The following QKI variants were observed in gnomAD, a reference collection of about 807,000 sequenced individuals.
The protein encoded by QKI is KH domain-containing RNA-binding protein QKI.
Under a neutral mutation model 39.0 loss-of-function variants are expected in QKI, and 10 were observed. The observed-to-expected ratio is 0.26, with a 90% CI of 0.16 to 0.43. The LOEUF (loss-of-function observed/expected upper bound fraction) is 0.43, where lower values mean the gene tolerates loss of function less well. Among genes scored for constraint, QKI ranks in the 20% least tolerant of loss-of-function variants. The pLI, the probability that QKI is intolerant of heterozygous loss-of-function variation, is 1.00. For missense variants in QKI, 218 were observed against 428.0 expected (o/e 0.51, Z 4.33); for synonymous variants, 204 against 155.4 (o/e 1.31, Z -2.33).
At position 163,539,180 on chromosome 6, in the gene QKI, G is replaced by A. The variant is rs546704349; in HGVS notation, c.546+4055G>A. Reference sequence around the variant, plus strand: ...AGGATCCAGCAAGGGAGAGCAAAGCGGGGAGCCCCTGGATTTGGAGGAGAG... The same window carrying A: ...AGGATCCAGCAAGGGAGAGCAAAGCAGGGAGCCCCTGGATTTGGAGGAGAG... On this transcript the variant is annotated intron_variant, in intron 4 of 7. Coordinates refer to ENST00000361752, the MANE Select transcript of QKI (RefSeq NM_006775.3). 1.5e-4 allele frequency among the ~76,000 whole-genome samples: 23 copies of A among 152,274 alleles called. 1 individual carries two copies. In the East Asian group the frequency reaches 3.7e-3, roughly 24 times the overall value.
At position 163,414,886 on chromosome 6, in the gene QKI, C is replaced by G. The variant is rs1787290422; in HGVS notation, c.-308C>G. 6.8e-6 allele frequency: 1 copy of G among 146,040 alleles called. No individual in the cohort carries two copies. The highest frequency in any genetic ancestry group is 1.5e-5 in the Non-Finnish European group (1 of 65,972). 9.0% of individuals were successfully genotyped at this position (146,040 alleles called of 1,614,324 possible). On this transcript the variant is annotated 5_prime_UTR_variant, in exon 1 of 8. Transcript: ENST00000361752. ...GGCGCCAGCAGCCCGCGCCCCGCGCCCGCACTCGGCCAGCCGAGACCCGCC... is the reference window on the plus strand; with the variant it reads ...GGCGCCAGCAGCCCGCGCCCCGCGCGCGCACTCGGCCAGCCGAGACCCGCC...
chr6:163,444,469 T>C (rs13191301), intron 1 of QKI, among the ~76,000 whole-genome samples: 1 of 152,222 alleles, frequency 6.6e-6, no homozygotes, highest in Non-Finnish European at 1.5e-5. Flanking sequence ...GGTCATTGTT[T>C]TGGATTGTAA....
intron 2 of QKI, among the ~76,000 whole-genome samples, chr6:163,469,855 C>G (rs543754336): frequency 6.6e-6 from 1 of 152,172 alleles, no homozygotes; most frequent in East Asian, 1.9e-4. Context: ...TGTTATGTTT[C>G]TTTTTTATTC....
intron 1 of QKI, among the ~76,000 whole-genome samples, chr6:163,435,014 C>T (rs1789139985): frequency 6.6e-6 from 1 of 151,888 alleles, no homozygotes; most frequent in Admixed American, 6.6e-5. Flanking sequence ...CTTAATTATC[C>T]AACACTTAAA....
intron 3 of QKI, among the ~76,000 whole-genome samples, chr6:163,479,648 G>A (rs1169515440): frequency 1.3e-5 from 2 of 152,222 alleles, no homozygotes; most frequent in East Asian, 1.9e-4. Context: ...GGGATTATAG[G>A]CGTGAGCCAC....
At chr6:163,558,910 C>T (rs1196811389) in intron 4 of QKI, among the ~76,000 whole-genome samples, 2 of 152,116 alleles carry the variant, frequency 1.3e-5, no homozygotes, top group Non-Finnish European at 2.9e-5. Context: ...ATACCATCAC[C>T]TCCAGCAACA....
At chr6:163,563,984 T>C (rs1483281934) in intron 6 of QKI, 14 of 1,305,386 alleles carry the variant, frequency 1.1e-5, no homozygotes, top group Admixed American at 3.7e-5. Flanking sequence ...CAAATACTTT[T>C]ACATTTGACA....
intron 4 of QKI, among the ~76,000 whole-genome samples, chr6:163,549,285 A>T (rs1490703834): frequency 6.6e-6 from 1 of 152,162 alleles, no homozygotes; most frequent in East Asian, 1.9e-4. Context: ...CCTGGAGGGG[A>T]TATGCAGGAA....
At chr6:163,514,337 C>T (rs1779664484) in intron 3 of QKI, among the ~76,000 whole-genome samples, 1 of 152,044 alleles carries the variant, frequency 6.6e-6, no homozygotes. Context: ...CAACAAACAG[C>T]TTTAGAGCTA....
At chr6:163,438,323 A>C (rs1325725511) in intron 1 of QKI, among the ~76,000 whole-genome samples, 2 of 152,154 alleles carry the variant, frequency 1.3e-5, no homozygotes, top group African/African-American at 4.8e-5. Context: ...TTATAATGAC[A>C]TTGATGACCA....
At chr6:163,526,092 T>A (rs1292602593) in intron 3 of QKI, among the ~76,000 whole-genome samples, 1 of 152,186 alleles carries the variant, frequency 6.6e-6, no homozygotes, top group Non-Finnish European at 1.5e-5. Context: ...TTCTTGAAAC[T>A]TTTTAGGAAT....
At chr6:163,482,700 G>A (rs1484292663) in intron 3 of QKI, among the ~76,000 whole-genome samples, 1 of 152,282 alleles carries the variant, frequency 6.6e-6, no homozygotes, top group African/African-American at 2.4e-5. Context: ...CATAGGGCAA[G>A]ACATGTGGGA....
chr6:163,525,404 G>T (rs1041980138), intron 3 of QKI, among the ~76,000 whole-genome samples: 4 of 149,032 alleles, frequency 2.7e-5, no homozygotes, highest in Non-Finnish European at 4.5e-5. Context: ...TGTCACCCAG[G>T]CTGGAGTGCA....
intron 3 of QKI, among the ~76,000 whole-genome samples, chr6:163,511,991 T>C (rs1197049156): frequency 1.3e-5 from 2 of 151,890 alleles, no homozygotes; most frequent in African/African-American, 4.8e-5. Context: ...AAAAAGAAGA[T>C]ACTGCATTAC....
rs201129081 is a variant in QKI, at chr6:163,474,109, A to G, written c.286-4671A>G. ...GAAATGTTGTTTTAATAGATAGTGA[A>G]AAATGATAAATTTAGATATCCACTT... is the stretch of plus-strand genomic sequence containing the variant. On this transcript the variant is annotated intron_variant, in intron 2 of 7. Transcript: ENST00000361752. Among the ~76,000 whole-genome samples the G allele has an allele frequency of 8.5e-5, 13 of 152,206 alleles. No individual in the cohort carries two copies. In the East Asian group the frequency reaches 2.5e-3, roughly 29 times the overall value.
chr6:163,555,954 G>A (rs970524829), intron 4 of QKI, among the ~76,000 whole-genome samples: 3 of 152,142 alleles, frequency 2.0e-5, no homozygotes, highest in African/African-American at 7.2e-5. Context: ...ACTGGAGAAG[G>A]TATAATGTAA....
chr6:163,521,981 C>T (rs1780191785), intron 3 of QKI, among the ~76,000 whole-genome samples: 1 of 151,962 alleles, frequency 6.6e-6, no homozygotes, highest in Non-Finnish European at 1.5e-5. Flanking sequence ...TAAGGGGAAT[C>T]CCTGTTAGCT....
chr6:163,460,064 G>A (rs187593758), intron 2 of QKI, among the ~76,000 whole-genome samples: 2 of 152,202 alleles, frequency 1.3e-5, no homozygotes, highest in African/African-American at 4.8e-5. Context: ...TGTTCTATAG[G>A]ATCTGCCAGA....
rs369659914 is a variant in QKI at position 163,447,356 on chromosome 6, A to G, written c.143-7923A>G. 2.0e-5 allele frequency among the ~76,000 whole-genome samples: 3 copies of G among 149,936 alleles called. No homozygotes were observed. The East Asian group carries it at 5.9e-4, about 30-fold the overall frequency. On this transcript the variant is annotated intron_variant, in intron 1 of 7. Transcript: ENST00000361752. ...TATTTATTATTTCTGTATGTTGGGG[A>G]TAATTCAAGTTCTCTCTTCTAGCTA...
Sources: gnomAD v4.1 joint callset for allele counts (sites outside exome capture counted in the v4.1 genomes callset) on GRCh38, gnomAD v4.1.1 for gene constraint, MANE v1.5 for transcripts, NCBI Gene and HGNC (gene_info 2026-07-23, HGNC 2026-07-21) for gene names.